The following PCDHB6 variants were observed in gnomAD, a reference collection of about 807,000 sequenced individuals.
The protein encoded by PCDHB6 is protocadherin beta 6, also known as protocadherin beta-6.
For missense variants in PCDHB6, 1,137 were observed against 1,010.1 expected (o/e 1.13, Z -1.70); for synonymous variants, 506 against 459.0 (o/e 1.10, Z -1.31).
rs182844013 is a variant in PCDHB6, at chr5:141,152,789, T to A, written c.*147T>A. The stretch of plus-strand genomic sequence containing the variant: ...GATACTGGTATCTTAGTATTTCCTG[T>A]TCATGCTTAGTAGTTTATTACTTCA... On this transcript the variant is annotated 3_prime_UTR_variant, in exon 1 of 1. Transcript: ENST00000231136. The A allele has an allele frequency of 9.1e-5, 63 of 690,710 alleles. No homozygotes were observed. The highest frequency in any genetic ancestry group is 1.4e-4 in the Non-Finnish European group (59 of 436,574). The allele number at this position is 690,710 out of a possible 1,614,324, so 42.8% of individuals were successfully genotyped here. A position where few individuals can be genotyped will look rare whatever the true frequency, so the allele number is the denominator to read the frequency against.
Position 141,151,343 on chromosome 5 carries a change from A to C in PCDHB6, c.1086A>C (p.Thr362=). The change falls in exon 1 of 1, where the codon ACA becomes ACC. Residue 362 remains threonine, a synonymous_variant. Transcript: ENST00000231136. The part of the protein sequence containing the change: ...SLIPENLPEI[T]VAVFSVSDAD... ...TCCCAGAAAACTTACCAGAGATCAC[A>C]GTGGCAGTTTTCAGTGTTTCAGATG... The C allele has an allele frequency of 3.7e-6, 6 of 1,614,152 alleles. No individual in the cohort carries two copies. Among genetic ancestry groups the C allele is most frequent in the Non-Finnish European group, 5.1e-6 (6 of 1,180,000 alleles).
rs1752880799 is a variant in PCDHB6 at position 141,151,857 on chromosome 5, C to T, written c.1600C>T (p.Arg534Cys). ...CGAGTTCCGCGTGGGCGCCACAGAC[C>T]GCGGCTCCCCGGCGTTGAGCAGCGA... is the stretch of plus-strand genomic sequence containing the variant. ...SFEFRVGATDRGSPALSSEAL... is the reference protein window; with the variant it reads ...SFEFRVGATDCGSPALSSEAL... Residue 534 changes from arginine to cysteine, a missense_variant, in exon 1 of 1, where the codon CGC (arginine) becomes TGC (cysteine). Transcript: ENST00000231136. 4 of 1,612,360 alleles carry T rather than the reference C, an allele frequency of 2.5e-6. No homozygotes were observed. Among genetic ancestry groups the T allele is most frequent in the African/African-American group, 2.7e-5 (2 of 75,010 alleles).
Position 141,151,479 on chromosome 5 carries a change from G to A in PCDHB6, c.1222G>A (p.Asp408Asn), listed in dbSNP as rs151211308. Residue 408 changes from aspartate to asparagine, a missense_variant, in exon 1 of 1, where the codon GAC becomes AAC. Transcript: ENST00000231136. Reference protein sequence around the residue: ...FYTLVTEGALDRESRAEYNIT... With the variant: ...FYTLVTEGALNRESRAEYNIT... ...CACCCTGGTAACAGAAGGCGCGCTGGACAGAGAGAGCAGAGCCGAGTACAA... is the reference window on the plus strand; with the variant it reads ...CACCCTGGTAACAGAAGGCGCGCTGAACAGAGAGAGCAGAGCCGAGTACAA... The A allele has an allele frequency of 2.0e-3, 3,151 of 1,614,164 alleles. 6 individuals carry two copies. The highest frequency in any genetic ancestry group is 2.3e-3 in the Non-Finnish European group (2,754 of 1,180,028).
In PCDHB6 at chr5:141,150,171, T is replaced by C; in HGVS notation, c.-87T>C. On this transcript the variant is annotated 5_prime_UTR_variant, in exon 1 of 1. Transcript: ENST00000231136. ...AGTTGTAAGAACGAATTTAAAAATC[T>C]CTGCAAAGACATCCGAGAGGGTCGA... 9.6e-7 allele frequency: 1 copy of C among 1,040,546 alleles called. No homozygotes were observed. The highest frequency in any genetic ancestry group is 1.6e-5 in the South Asian group (1 of 63,184). The allele number at this position is 1,040,546 out of a possible 1,614,324, so 64.5% of individuals were successfully genotyped here.
rs1554277482 is a variant in PCDHB6, at chr5:141,150,660, A to G, written c.403A>G (p.Arg135Gly). ...TGACCACGCCCCGGAATTCCCTGCCAGAGAAATGCTCCTGAAAATATCAGA... is the reference window on the plus strand; with the variant it reads ...TGACCACGCCCCGGAATTCCCTGCCGGAGAAATGCTCCTGAAAATATCAGA... ...INDHAPEFPAREMLLKISEIT... is the reference protein window; with the variant it reads ...INDHAPEFPAGEMLLKISEIT... The change falls in exon 1 of 1, where the codon AGA (arginine) becomes GGA (glycine). Residue 135 changes from arginine to glycine, a missense_variant. Arg to Gly is a moderately radical substitution (Grantham distance 125, BLOSUM62 -2). Coordinates refer to ENST00000231136, the MANE Select transcript of PCDHB6 (RefSeq NM_018939.4). 1.2e-6 allele frequency: 2 copies of G among 1,614,194 alleles called. No individual in the cohort carries two copies. Among genetic ancestry groups the G allele is most frequent in the Non-Finnish European group, 1.7e-6 (2 of 1,180,030 alleles).
rs782230409 is a variant in PCDHB6, at chr5:141,151,590, A to G, written c.1333A>G (p.Asn445Asp). ...ITVQVSDVND[N>D]APAFTQTSYT... is the part of the protein sequence containing the mutation. ...TGTGCAGGTCTCCGACGTCAATGAC[A>G]ACGCCCCCGCCTTCACCCAAACCTC... Residue 445 changes from asparagine (N) to aspartate (D), a missense_variant, in exon 1 of 1, where the codon AAC (asparagine) becomes GAC (aspartate). Asn to Asp is a conservative substitution (Grantham distance 23). Coordinates refer to ENST00000231136, the MANE Select transcript of PCDHB6 (RefSeq NM_018939.4). 1.2e-6 allele frequency: 2 copies of G among 1,613,878 alleles called. No homozygotes were observed. Among genetic ancestry groups the G allele is most frequent in the Non-Finnish European group, 1.7e-6 (2 of 1,180,006 alleles).
In PCDHB6 at chr5:141,150,475, A is replaced by T. The variant is rs1554277418; in HGVS notation, c.218A>T (p.His73Leu). Residue 73 changes from histidine (H) to leucine (L), a missense_variant, in exon 1 of 1, where the codon CAT becomes CTT. Transcript: ENST00000231136. Reference protein sequence around the residue: ...ARVVFKGNRQHLQFDPQTHDL... With the variant: ...ARVVFKGNRQLLQFDPQTHDL... ...GTTGTTTTCAAAGGGAACAGACAACATTTGCAGTTTGATCCACAGACCCAT... is the reference window on the plus strand; with the variant it reads ...GTTGTTTTCAAAGGGAACAGACAACTTTTGCAGTTTGATCCACAGACCCAT... The T allele has an allele frequency of 6.2e-7, 1 of 1,614,128 alleles. No homozygotes were observed.
At position 141,151,810 on chromosome 5, in the gene PCDHB6, A is replaced by G. The variant is rs781816357; in HGVS notation, c.1553A>G (p.Asp518Gly). The G allele has an allele frequency of 6.2e-7, 1 of 1,612,942 alleles. No individual in the cohort carries two copies. The highest frequency in any genetic ancestry group is 2.2e-5 in the East Asian group (1 of 44,892). ...NGHLFALRSL[D>G]YEALQSFEFR... Reference sequence around the variant, plus strand: ...CACCTGTTTGCCCTCAGGTCGCTGGACTACGAGGCCCTGCAGTCTTTCGAG... The same window carrying G: ...CACCTGTTTGCCCTCAGGTCGCTGGGCTACGAGGCCCTGCAGTCTTTCGAG... The change falls in exon 1 of 1, where the codon GAC becomes GGC. Residue 518 changes from aspartate (D) to glycine (G), a missense_variant. By Grantham distance (94) the Asp-to-Gly change is moderately conservative (BLOSUM62 -1). Coordinates refer to ENST00000231136, the MANE Select transcript of PCDHB6 (RefSeq NM_018939.4).
In PCDHB6 at chr5:141,150,977, G is replaced by A. The variant is rs528680100; in HGVS notation, c.720G>A (p.Glu240=). The change falls in exon 1 of 1, where the codon GAG becomes GAA. Residue 240 remains glutamate, a synonymous_variant. Transcript: ENST00000231136. Reference sequence around the variant, plus strand: ...TGGACATCAATGACAACGTCCCCGAGTTTGCTCAGGAGCTCTATGAAGCAC... The same window carrying A: ...TGGACATCAATGACAACGTCCCCGAATTTGCTCAGGAGCTCTATGAAGCAC... The part of the protein sequence containing the change: ...QVLDINDNVP[E]FAQELYEAQV... 6.5e-5 allele frequency: 105 copies of A among 1,614,130 alleles called. No individual in the cohort carries two copies. The South Asian group carries it at 9.7e-4, about 15-fold the overall frequency.
Position 141,151,958 on chromosome 5 carries a change from C to G in PCDHB6, c.1701C>G (p.Ser567=), listed in dbSNP as rs782201314. 5.0e-6 allele frequency: 8 copies of G among 1,610,630 alleles called. No homozygotes were observed. Among genetic ancestry groups the G allele is most frequent in the African/African-American group, 2.7e-5 (2 of 74,788 alleles). ...TGTTGTACCCGCTGCAGAACGGCTC[C>G]GCGCCCTGCACCGAGCTGGTGCCCC... ...PFVLYPLQNG[S]APCTELVPRA... is the part of the protein sequence containing the mutation. The change falls in exon 1 of 1, where the codon TCC becomes TCG. Residue 567 remains serine, a synonymous_variant. Coordinates refer to ENST00000231136, the MANE Select transcript of PCDHB6 (RefSeq NM_018939.4).
In PCDHB6 at chr5:141,151,901, G is replaced by A. The variant is rs782699434; in HGVS notation, c.1644G>A (p.Leu548=). 1.9e-6 allele frequency: 3 copies of A among 1,611,298 alleles called. No individual in the cohort carries two copies. The Admixed American group carries it at 5.0e-5, about 27-fold the overall frequency. ...GCAGCGAGGCGCTGGTGCGCTTGCT[G>A]GTGCTGGACGCCAACGACAACTCGC... ...ALSSEALVRL[L]VLDANDNSPF... Residue 548 remains leucine, a synonymous_variant, in exon 1 of 1, where the codon CTG becomes CTA. Coordinates refer to ENST00000231136, the MANE Select transcript of PCDHB6 (RefSeq NM_018939.4).
In PCDHB6 at chr5:141,152,896, T is replaced by TA; in HGVS notation, c.*254_*255insA. The TA allele has an allele frequency of 4.2e-6, 1 of 237,336 alleles. No individual in the cohort carries two copies. The highest frequency in any genetic ancestry group is 8.0e-6 in the Non-Finnish European group (1 of 125,056). 14.7% of individuals were successfully genotyped at this position (237,336 alleles called of 1,614,324 possible). Reference sequence around the variant, plus strand: ...GCTTTTGAAATTAAATTATCTATTCTTCCCCCCCCCAAAAAAAAGTATTGT... The same window carrying TA: ...GCTTTTGAAATTAAATTATCTATTCTATCCCCCCCCCAAAAAAAAGTATTGT... On this transcript the variant is annotated 3_prime_UTR_variant, in exon 1 of 1. Coordinates refer to ENST00000231136, the MANE Select transcript of PCDHB6 (RefSeq NM_018939.4).
rs1261443070 is a variant in PCDHB6 at position 141,151,315 on chromosome 5, T to A, written c.1058T>A (p.Leu353His). 23 of 1,614,048 alleles carry A rather than the reference T, an allele frequency of 1.4e-5. No homozygotes were observed. The highest frequency in any genetic ancestry group is 1.9e-5 in the Non-Finnish European group (23 of 1,180,036). The stretch of plus-strand genomic sequence containing the variant: ...CTCACCATGTCGTTCTTCATCAGCC[T>A]CATCCCAGAAAACTTACCAGAGATC... Reference protein sequence around the residue: ...PELTMSFFISLIPENLPEITV... With the variant: ...PELTMSFFISHIPENLPEITV... Residue 353 changes from leucine to histidine, a missense_variant, in exon 1 of 1, where the codon CTC becomes CAC. By Grantham distance (99) the Leu-to-His change is moderately conservative. Coordinates refer to ENST00000231136, the MANE Select transcript of PCDHB6 (RefSeq NM_018939.4).
In PCDHB6 at chr5:141,151,955, C is replaced by T. The variant is rs1413264672; in HGVS notation, c.1698C>T (p.Gly566=). The T allele has an allele frequency of 5.2e-5, 83 of 1,610,706 alleles. No individual in the cohort carries two copies. Among genetic ancestry groups the T allele is most frequent in the Non-Finnish European group, 6.6e-5 (78 of 1,179,716 alleles). The stretch of plus-strand genomic sequence containing the variant: ...TCGTGTTGTACCCGCTGCAGAACGG[C>T]TCCGCGCCCTGCACCGAGCTGGTGC... The part of the protein sequence containing the change: ...SPFVLYPLQN[G]SAPCTELVPR... The change falls in exon 1 of 1, where the codon GGC becomes GGT. Residue 566 remains glycine (G), a synonymous_variant. Coordinates refer to ENST00000231136, the MANE Select transcript of PCDHB6 (RefSeq NM_018939.4).
Position 141,150,681 on chromosome 5 carries a change from T to C in PCDHB6, c.424T>C (p.Ser142Pro). 2 of 1,614,100 alleles carry C rather than the reference T, an allele frequency of 1.2e-6. No individual in the cohort carries two copies. The highest frequency in any genetic ancestry group is 1.7e-6 in the Non-Finnish European group (2 of 1,180,024). Residue 142 changes from serine to proline, a missense_variant, in exon 1 of 1, where the codon TCA becomes CCA. By Grantham distance (74) the Ser-to-Pro change is moderately conservative. Coordinates refer to ENST00000231136, the MANE Select transcript of PCDHB6 (RefSeq NM_018939.4). ...TGCCAGAGAAATGCTCCTGAAAATA[T>C]CAGAAATTACTATGCCAGGAAAGAT... Reference protein sequence around the residue: ...FPAREMLLKISEITMPGKIFP... With the variant: ...FPAREMLLKIPEITMPGKIFP...
Position 141,150,800 on chromosome 5 carries a change from C to G in PCDHB6, c.543C>G (p.Thr181=). Residue 181 remains threonine, a synonymous_variant, in exon 1 of 1, where the codon ACC becomes ACG. Coordinates refer to ENST00000231136, the MANE Select transcript of PCDHB6 (RefSeq NM_018939.4). The part of the protein sequence containing the change: ...ISSNPHFHVL[T]RNRSEGRKFP... ...CCAACCCTCACTTCCACGTTCTCAC[C>G]CGCAATCGCAGCGAAGGCAGGAAGT... 6.2e-7 allele frequency: 1 copy of G among 1,614,212 alleles called. No homozygotes were observed. The highest frequency in any genetic ancestry group is 1.1e-5 in the South Asian group (1 of 91,082).
rs1554278073 is a variant in PCDHB6, at chr5:141,152,595, G to T, written c.2338G>T (p.Glu780Ter). ...PNFPPQGTER[E>*]MEETPTSRNS... is the part of the protein sequence containing the mutation. ...CTTCCCTCCTCAGGGCACTGAGAGA[G>T]AAATGGAAGAAACCCCCACCTCTCG... The change falls in exon 1 of 1, where the codon GAA becomes TAA. Residue 780 changes from glutamate to a stop codon, truncating the protein, a stop_gained. Coordinates refer to ENST00000231136, the MANE Select transcript of PCDHB6 (RefSeq NM_018939.4). LOFTEE classifies it low-confidence loss of function (END_TRUNC). 4.3e-6 allele frequency: 7 copies of T among 1,611,512 alleles called. No individual in the cohort carries two copies. In the South Asian group the frequency reaches 7.7e-5, roughly 18 times the overall value.
chr5:141,151,416 C>T lies in PCDHB6; in HGVS notation c.1159C>T (p.Leu387Phe), dbSNP rs782789490. 4 of 1,614,144 alleles carry T rather than the reference C, an allele frequency of 2.5e-6. No individual in the cohort carries two copies. In the East Asian group the frequency reaches 8.9e-5, roughly 36 times the overall value. ...QQVICSIENN[L>F]PFLLRPSVEN... ...GGTTATTTGTTCAATAGAGAACAATCTCCCCTTTCTACTAAGACCTTCCGT... is the reference window on the plus strand; with the variant it reads ...GGTTATTTGTTCAATAGAGAACAATTTCCCCTTTCTACTAAGACCTTCCGT... The change falls in exon 1 of 1, where the codon CTC (leucine) becomes TTC (phenylalanine). Residue 387 changes from leucine to phenylalanine, a missense_variant. Transcript: ENST00000231136.
At position 141,151,387 on chromosome 5, in the gene PCDHB6, A is replaced by T. The variant is rs1356813081; in HGVS notation, c.1130A>T (p.Gln377Leu). Residue 377 changes from glutamine to leucine, a missense_variant, in exon 1 of 1, where the codon CAA (glutamine) becomes CTA (leucine). Coordinates refer to ENST00000231136, the MANE Select transcript of PCDHB6 (RefSeq NM_018939.4). ...TCAGATGCAGACTCTGGACATAACC[A>T]ACAGGTTATTTGTTCAATAGAGAAC... ...SVSDADSGHN[Q>L]QVICSIENNL... The T allele has an allele frequency of 6.2e-7, 1 of 1,614,028 alleles. No individual in the cohort carries two copies. Among genetic ancestry groups the T allele is most frequent in the Non-Finnish European group, 8.5e-7 (1 of 1,180,036 alleles).
Sources: gnomAD v4.1 joint callset for allele counts on GRCh38, gnomAD v4.1.1 for gene constraint, MANE v1.5 for transcripts, NCBI Gene and HGNC (gene_info 2026-07-23, HGNC 2026-07-21) for gene names.